Variants in G3BP2 observed in about 807,000 individuals in gnomAD.
The protein encoded by G3BP2 is ras GTPase-activating protein-binding protein 2.
Under a neutral mutation model 56.7 loss-of-function variants are expected in G3BP2, and 11 were observed. The ratio of observed to expected loss-of-function variants is 0.19; its 90% CI spans 0.12 to 0.32. The LOEUF is 0.32. Ranked by LOEUF, G3BP2 falls within the 10% of genes least tolerant of loss-of-function variation. The pLI is 1.00. For synonymous variants in G3BP2, 165 were observed against 191.6 expected (o/e 0.86, Z 1.15); for missense variants, 340 against 610.9 (o/e 0.56, Z 4.67).
At chr4:75,664,859 G>C (rs1405557969) in intron 1 of G3BP2, among the ~76,000 whole-genome samples, 1 of 151,708 alleles carries the variant, frequency 6.6e-6, no homozygotes, top group Non-Finnish European at 1.5e-5. Flanking sequence ...AAAACAAACA[G>C]ACAAAAAAAC....
At chr4:75,659,130 G>T (rs1732347195) in intron 2 of G3BP2, among the ~76,000 whole-genome samples, 2 of 152,174 alleles carry the variant, frequency 1.3e-5, no homozygotes, top group Non-Finnish European at 2.9e-5. Flanking sequence ...TTGTTGTAAG[G>T]ATTAAATGAC....
chr4:75,648,469 T>C (rs1223431028), intron 9 of G3BP2, among the ~76,000 whole-genome samples, 170 bp downstream of exon 9: 1 of 152,044 alleles, frequency 6.6e-6, no homozygotes, highest in Admixed American at 6.6e-5. Context: ...TCCCTAAAAA[T>C]TGGTTATTTG....
intron 3 of G3BP2, among the ~76,000 whole-genome samples, chr4:75,693,783 G>A (rs376376169): frequency 9.6e-5 from 12 of 124,538 alleles, no homozygotes; most frequent in African/African-American, 3.3e-4. Flanking sequence ...GCAAGACTCC[G>A]TCTAAAAAAA....
rs1268581935 is a variant in G3BP2, at chr4:75,645,591, T to TGCGGCTAATATCCCTGCGATCATC, written c.1287_1288insGATGATCGCAGGGATATTAGCCGC (p.Arg429_Asn430insAspAspArgArgAspIleSerArg). 1.2e-6 allele frequency: 2 copies of TGCGGCTAATATCCCTGCGATCATC among 1,613,882 alleles called. No homozygotes were observed. The highest frequency in any genetic ancestry group is 1.7e-6 in the Non-Finnish European group (2 of 1,179,956). On this transcript the variant is annotated inframe_insertion, in exon 12 of 12. Transcript: ENST00000359707. Reference sequence around the variant, plus strand: ...CGTGGACCACCGGGACCTCGATCATTGCGCCTAATATCCCTGCGATCATCA... The same window carrying TGCGGCTAATATCCCTGCGATCATC: ...CGTGGACCACCGGGACCTCGATCATTGCGGCTAATATCCCTGCGATCATCGCGCCTAATATCCCTGCGATCATCA...
chr4:75,692,235 G>A lies in G3BP2; in HGVS notation c.-25+28642C>T, dbSNP rs151292473. On this transcript the variant is annotated intron_variant, in intron 3 of 3. Transcript: ENST00000499709. ...GGAACCTCTTGTGCTCTGGCTTCCT[G>A]GAACCTTGGATTTGTAGATTGAGAA... Among the ~76,000 whole-genome samples the A allele has an allele frequency of 6.6e-4, 101 of 152,236 alleles. No homozygotes were observed. The East Asian group carries it at 0.019, about 29-fold the overall frequency.
At chr4:75,680,552 C>T (rs930790146) in intron 3 of G3BP2, among the ~76,000 whole-genome samples, 3 of 152,168 alleles carry the variant, frequency 2.0e-5, no homozygotes, top group East Asian at 1.9e-4. Context: ...AAACCTTCAA[C>T]ATCAGGGGAC....
At chr4:75,652,918 G>T (rs141004567) in intron 8 of G3BP2, among the ~76,000 whole-genome samples, 3 of 152,108 alleles carry the variant, frequency 2.0e-5, no homozygotes, top group African/African-American at 4.8e-5. Context: ...TAATCCAAAG[G>T]TTCCAAATCC....
In G3BP2 at chr4:75,704,278, A is replaced by G. The variant is rs536832322; in HGVS notation, c.-25+16599T>C. ...ATGATCTGCCCACCTCAGCCTCCCA[A>G]AGTGCTGGGATTACAGGCGTGAGCC... On this transcript the variant is annotated intron_variant, in intron 3 of 3. Transcript: ENST00000499709. Among the ~76,000 whole-genome samples, 3 of 151,822 alleles carry G rather than the reference A, an allele frequency of 2.0e-5. No homozygotes were observed. The East Asian group carries it at 5.8e-4, about 30-fold the overall frequency.
intron 3 of G3BP2, among the ~76,000 whole-genome samples, chr4:75,685,073 A>G (rs1422497622): frequency 6.6e-6 from 1 of 152,120 alleles, no homozygotes; most frequent in Admixed American, 6.6e-5. Context: ...ATAGGATACC[A>G]ATATTGGCAG....
intron 1 of G3BP2, among the ~76,000 whole-genome samples, chr4:75,722,488 G>A (rs4859550): frequency 0.9 from 136,456 of 152,252 alleles, 61,227 homozygotes; most frequent in African/African-American, 0.94. Flanking sequence ...GGCCCACTCC[G>A]TCTATGAGCC....
At chr4:75,695,592 ACTGTCAAAGC>A (rs1461674862) in intron 3 of G3BP2, among the ~76,000 whole-genome samples, 1 of 152,130 alleles carries the variant, frequency 6.6e-6, no homozygotes, top group Non-Finnish European at 1.5e-5. Context: ...AACACAGATG[ACTGTCAAAGC>A]CTATAGAGGA....
intron 8 of G3BP2, among the ~76,000 whole-genome samples, 171 bp downstream of exon 8, chr4:75,653,812 G>A (rs1315517683): frequency 6.6e-6 from 1 of 152,088 alleles, no homozygotes; most frequent in Non-Finnish European, 1.5e-5. Flanking sequence ...TACCACCTAT[G>A]TAGATGATGA....
rs1319555137 is a variant in G3BP2, at chr4:75,673,243, A to G, written c.-60T>C. The G allele has an allele frequency of 8.2e-7, 1 of 1,219,374 alleles. No individual in the cohort carries two copies. Among genetic ancestry groups the G allele is most frequent in the Non-Finnish European group, 1.0e-6 (1 of 980,308 alleles). The allele number at this position is 1,219,374 out of a possible 1,614,324, so 75.5% of individuals were successfully genotyped here. ...CGGCGGCGGCGGGTACGTCGCGCGG[A>G]GGTCAGAAGAGTCGCTGAGGACCGG... On this transcript the variant is annotated 5_prime_UTR_variant, in exon 1 of 12. Coordinates refer to ENST00000359707, the MANE Select transcript of G3BP2 (RefSeq NM_203505.3).
At chr4:75,714,552 C>G (rs958447508) in intron 3 of G3BP2, among the ~76,000 whole-genome samples, 1 of 151,956 alleles carries the variant, frequency 6.6e-6, no homozygotes, top group African/African-American at 2.4e-5. Context: ...CACTTGAACC[C>G]GGGAGGCGAA....
chr4:75,700,879 A>G (rs1209866058), intron 3 of G3BP2, among the ~76,000 whole-genome samples: 2 of 151,240 alleles, frequency 1.3e-5, no homozygotes, highest in African/African-American at 4.9e-5. Flanking sequence ...ACTCTTGTTG[A>G]CCAGGCTGGA....
rs1731126372 is a variant in G3BP2, at chr4:75,645,191, A to G, written c.*239T>C. 2 of 541,640 alleles carry G rather than the reference A, an allele frequency of 3.7e-6. No homozygotes were observed. The highest frequency in any genetic ancestry group is 7.2e-5 in the Admixed American group (2 of 27,936). The allele number at this position is 541,640 out of a possible 1,614,324, so 33.6% of individuals were successfully genotyped here. The stretch of plus-strand genomic sequence containing the variant: ...CACTTTGTCGTAGATAGTTTAAGAT[A>G]TGGTCATTTCTCAGTCCTTAATTCT... On this transcript the variant is annotated 3_prime_UTR_variant, in exon 12 of 12. Transcript: ENST00000359707.
intron 3 of G3BP2, chr4:75,694,728 G>A: frequency 1.0e-6 from 1 of 982,202 alleles, no homozygotes; most frequent in Non-Finnish European, 1.2e-6. Flanking sequence ...ACAAGAGCGA[G>A]ACTCTGTCTC....
intron 1 of G3BP2, among the ~76,000 whole-genome samples, chr4:75,670,871 C>T (rs1399618359): frequency 1.3e-5 from 2 of 152,004 alleles, no homozygotes; most frequent in Non-Finnish European, 2.9e-5. Context: ...GCTCTTCCAA[C>T]AATACAAAAA....
At chr4:75,670,395 T>A (rs548846919) in intron 1 of G3BP2, 1 of 152,212 alleles carries the variant, frequency 6.6e-6, no homozygotes, top group Admixed American at 6.5e-5. Flanking sequence ...TCTTTTGTGG[T>A]ACACCATTGA....
Sources: allele counts gnomAD v4.1 joint callset (sites outside exome capture counted in the v4.1 genomes callset), GRCh38; gene constraint gnomAD v4.1.1; transcripts MANE v1.5; gene names NCBI Gene and HGNC (gene_info 2026-07-23, HGNC 2026-07-21).